PCLO: variants seen among roughly 807,000 people sequenced by gnomAD.
The protein encoded by PCLO is protein piccolo.
In PCLO, 82 loss-of-function variants were observed where a neutral mutation model predicts 427.5. The ratio of observed to expected loss-of-function variants is 0.19; its 90% CI spans 0.16 to 0.23. The LOEUF (loss-of-function observed/expected upper bound fraction) is 0.23. Among genes scored for constraint, PCLO ranks in the 10% least tolerant of loss-of-function variants. The pLI is 1.00. For synonymous variants in PCLO, 2,357 were observed against 2,155.4 expected, an observed-to-expected ratio of 1.09 and a Z score of -2.59; for missense variants, 6,239 against 6,115.9, an observed-to-expected ratio of 1.02 and a Z score of -0.67.
intron 3 of PCLO, among the ~76,000 whole-genome samples, chr7:83,034,771 T>C (rs1246514638): frequency 6.6e-6 from 1 of 152,192 alleles, no homozygotes; most frequent in East Asian, 1.9e-4. Flanking sequence ...AGTCATTATG[T>C]GACAAGAATT....
intron 10 of PCLO, among the ~76,000 whole-genome samples, chr7:82,853,098 A>G (rs1366740905): frequency 6.6e-6 from 1 of 152,140 alleles, no homozygotes; most frequent in African/African-American, 2.4e-5. Context: ...ATACAGGTAC[A>G]ATCTCTTTAC....
In PCLO at chr7:82,953,014, T is replaced by C. The variant is rs762015745; in HGVS notation, c.7939A>G (p.Thr2647Ala). Residue 2647 changes from threonine (T) to alanine (A), a missense_variant, in exon 5 of 25, where the codon ACA (threonine) becomes GCA (alanine). This residue lies in a region of PCLO where 4,677 missense variants were observed against 4,468.4 expected (regional missense o/e 1.05). Transcript: ENST00000333891. ...QTFYISGALQ[T>A]FSATPVTAPS... is the part of the protein sequence containing the mutation. ...GCTGTGACAGGGGTAGCAGAAAATG[T>C]CTGTAAAGCTCCAGAGATGTAGAAG... 3.7e-6 allele frequency: 6 copies of C among 1,613,804 alleles called. No homozygotes were observed. The highest frequency in any genetic ancestry group is 5.1e-6 in the Non-Finnish European group (6 of 1,179,870).
rs561178497 is a variant in PCLO at position 83,086,984 on chromosome 7, C to T, written c.3300+47266G>A. ...ATCGCAAGGACAAAAAACCAAACAC[C>T]GCATGTTCTCACTCATAGGTGGGAA... is the stretch of plus-strand genomic sequence containing the variant. On this transcript the variant is annotated intron_variant, in intron 3 of 24. Transcript: ENST00000333891. 1.7e-4 allele frequency among the ~76,000 whole-genome samples: 26 copies of T among 149,448 alleles called. No individual in the cohort carries two copies. In the East Asian group the frequency reaches 2.0e-3, roughly 11 times the overall value.
At position 83,126,743 on chromosome 7, in the gene PCLO, A is replaced by C. The variant is rs192564408; in HGVS notation, c.3300+7507T>G. On this transcript the variant is annotated intron_variant, in intron 3 of 24. Coordinates refer to ENST00000333891, the MANE Select transcript of PCLO (RefSeq NM_033026.6). ...AAATCACCAACAGGTATAAAAAGGA[A>C]ATTTTTAAGAGGAGAAATATAACTG... 2.7e-4 allele frequency among the ~76,000 whole-genome samples: 41 copies of C among 152,178 alleles called. No individual in the cohort carries two copies. In the East Asian group the frequency reaches 6.8e-3, roughly 25 times the overall value.
intron 10 of PCLO, among the ~76,000 whole-genome samples, chr7:82,867,891 C>T (rs1035191541): frequency 2.6e-5 from 4 of 152,092 alleles, no homozygotes; most frequent in African/African-American, 9.7e-5. Context: ...TCACTAGTAT[C>T]GTGATGTGGT....
intron 10 of PCLO, among the ~76,000 whole-genome samples, chr7:82,867,221 A>G (rs139055240): frequency 6.6e-6 from 1 of 152,176 alleles, no homozygotes; most frequent in African/African-American, 2.4e-5. Context: ...GCAACATGGC[A>G]ACACTCCTGT....
At chr7:83,057,569 G>C (rs1177107963) in intron 3 of PCLO, among the ~76,000 whole-genome samples, 1 of 149,548 alleles carries the variant, frequency 6.7e-6, no homozygotes, top group Non-Finnish European at 1.5e-5. Flanking sequence ...CACTATGTTA[G>C]CCAGGATGGT....
chr7:83,056,119 G>A (rs920385195), intron 3 of PCLO, among the ~76,000 whole-genome samples: 3 of 152,054 alleles, frequency 2.0e-5, no homozygotes, highest in African/African-American at 7.2e-5. Flanking sequence ...ATCATTTACA[G>A]TGTTTATTTA....
chr7:83,000,458 C>G (rs571006557), intron 3 of PCLO, among the ~76,000 whole-genome samples: 8 of 151,968 alleles, frequency 5.3e-5, no homozygotes, highest in Non-Finnish European at 1.0e-4. Context: ...GACCAGATGT[C>G]CCCTAACTTT....
intron 20 of PCLO, among the ~76,000 whole-genome samples, chr7:82,810,750 C>G (rs1329001075): frequency 6.6e-6 from 1 of 151,666 alleles, no homozygotes; most frequent in Non-Finnish European, 1.5e-5. Flanking sequence ...GTCTCTTTGA[C>G]TGCACATCTG....
At position 83,082,428 on chromosome 7, in the gene PCLO, C is replaced by T. The variant is rs893580769; in HGVS notation, c.3300+51822G>A. ...CAAGTCAACTATAATAAAAATCGTA[C>T]ATACTTGGAACTTGGAAAAGAAAAA... On this transcript the variant is annotated intron_variant, in intron 3 of 24. Transcript: ENST00000333891. Among the ~76,000 whole-genome samples the T allele has an allele frequency of 2.0e-5, 3 of 151,182 alleles. No homozygotes were observed. The South Asian group carries it at 6.2e-4, about 31-fold the overall frequency.
intron 22 of PCLO, among the ~76,000 whole-genome samples, chr7:82,779,244 A>G (rs1332226311): frequency 6.6e-6 from 1 of 152,166 alleles, no homozygotes. Flanking sequence ...CAGGTGACAT[A>G]GGAAAGATAT....
intron 3 of PCLO, among the ~76,000 whole-genome samples, chr7:83,132,684 C>T (rs1197239105): frequency 2.0e-5 from 3 of 151,972 alleles, no homozygotes; most frequent in Non-Finnish European, 4.4e-5. Flanking sequence ...TACTACACAC[C>T]CATTTTTAAG....
At chr7:82,882,868 C>T (rs887842500) in intron 9 of PCLO, among the ~76,000 whole-genome samples, 3 of 151,984 alleles carry the variant, frequency 2.0e-5, no homozygotes, top group Non-Finnish European at 4.4e-5. Context: ...TTACAGATTA[C>T]ATCTAATTTT....
chr7:82,805,640 C>T (rs1237035328), intron 21 of PCLO, 48 bp downstream of exon 21: 5 of 1,579,652 alleles, frequency 3.2e-6, no homozygotes, highest in Non-Finnish European at 4.3e-6. Flanking sequence ...GAATGCCTTA[C>T]TCATGATGCT....
rs182511821 is a variant in PCLO, at chr7:82,984,017, A to T, written c.3301-17530T>A. ...CACTCTGTTGGGACTTAACTATATT[A>T]AAAAAATGCTGTTAGATTCAAATCC... On this transcript the variant is annotated intron_variant, in intron 3 of 24. Coordinates refer to ENST00000333891, the MANE Select transcript of PCLO (RefSeq NM_033026.6). 1.9e-3 allele frequency among the ~76,000 whole-genome samples: 282 copies of T among 152,050 alleles called. 2 individuals carry two copies. The highest frequency in any genetic ancestry group is 6.3e-3 in the African/African-American group (261 of 41,526).
At chr7:83,073,209 T>TTA (rs1288661465) in intron 3 of PCLO, among the ~76,000 whole-genome samples, 1 of 152,018 alleles carries the variant, frequency 6.6e-6, no homozygotes, top group African/African-American at 2.4e-5. Flanking sequence ...TATTAAAAAA[T>TTA]TAGAGATGTC....
intron 22 of PCLO, among the ~76,000 whole-genome samples, chr7:82,783,788 TCAAA>T (rs1790926523): frequency 6.6e-6 from 1 of 152,038 alleles, no homozygotes; most frequent in Non-Finnish European, 1.5e-5. Context: ...GCTTAAGAAA[TCAAA>T]CAAATTCAGA....
In PCLO at chr7:82,916,196, A is replaced by T. The variant is rs1794457637; in HGVS notation, c.11790T>A (p.Ala3930=). ...GAGGTGTGAAGGACATTGTTGCCAC[A>T]GCTTGGAATGTTGGCTGAGTCTGAT... ...SPYQTQPTFQ[A]VATMSFTPQV... is the part of the protein sequence containing the mutation. The change falls in exon 7 of 25, where the codon GCT becomes GCA. Residue 3930 remains alanine (A), a synonymous_variant. Coordinates refer to ENST00000333891, the MANE Select transcript of PCLO (RefSeq NM_033026.6). 6.2e-7 allele frequency: 1 copy of T among 1,613,570 alleles called. No homozygotes were observed. The highest frequency in any genetic ancestry group is 8.5e-7 in the Non-Finnish European group (1 of 1,179,748).
Sources: allele counts gnomAD v4.1 joint callset (sites outside exome capture counted in the v4.1 genomes callset), GRCh38; gene constraint gnomAD v4.1.1; regional missense constraint gnomAD v4.1.1; transcripts MANE v1.5; gene names NCBI Gene and HGNC (gene_info 2026-07-23, HGNC 2026-07-21).